Variants in RIMS1 observed in about 807,000 individuals in gnomAD.
RIMS1 encodes the protein regulating synaptic membrane exocytosis 1, also known as regulating synaptic membrane exocytosis protein 1.
In RIMS1, 83 loss-of-function variants were observed where a neutral mutation model predicts 214.1. That is an observed-to-expected ratio of 0.39 (90% CI 0.32 to 0.47). The LOEUF (loss-of-function observed/expected upper bound fraction) is 0.47, where lower values mean the gene tolerates loss of function less well. Among genes scored for constraint, RIMS1 ranks in the 20% least tolerant of loss-of-function variants. The pLI is 0.99. For missense variants in RIMS1, 2,050 were observed against 2,161.8 expected (o/e 0.95, Z 1.03); for synonymous variants, 793 against 786.8 (o/e 1.01, Z -0.13).
chr6:72,187,634 T>A (rs2049350239), intron 6 of RIMS1, among the ~76,000 whole-genome samples: 2 of 151,868 alleles, frequency 1.3e-5, no homozygotes. Context: ...GCTGGGACTG[T>A]AGGTGCGTAC....
At chr6:72,244,007 C>T (rs530199808) in intron 10 of RIMS1, among the ~76,000 whole-genome samples, 23 of 150,598 alleles carry the variant, frequency 1.5e-4, no homozygotes, top group Non-Finnish European at 3.3e-4. Context: ...TTCTGTTACC[C>T]AGGCTGGAAA....
chr6:72,331,604 T>C (rs2096660463), intron 28 of RIMS1, among the ~76,000 whole-genome samples: 1 of 151,820 alleles, frequency 6.6e-6, no homozygotes, highest in Non-Finnish European at 1.5e-5. Context: ...TTCAAATATG[T>C]TGGTGAAGAC....
intron 2 of RIMS1, among the ~76,000 whole-genome samples, chr6:72,055,427 C>G (rs529406897): frequency 5.3e-5 from 8 of 152,100 alleles, no homozygotes; most frequent in Admixed American, 4.6e-4. Flanking sequence ...ACGAGTAACC[C>G]AAAGACATTT....
chr6:72,304,992 T>G (rs567977415), intron 26 of RIMS1, among the ~76,000 whole-genome samples: 2 of 152,088 alleles, frequency 1.3e-5, no homozygotes, highest in South Asian at 4.1e-4. Flanking sequence ...AAGGTCAGTT[T>G]TAACTTCATT....
At position 72,286,197 on chromosome 6, in the gene RIMS1, C is replaced by CAAAAA. The variant is rs149079911; in HGVS notation, c.3554+2090_3554+2094dup. On this transcript the variant is annotated intron_variant, in intron 24 of 33. Transcript: ENST00000521978. ...GGGCAAGAAGAGCAAAACTCCATCTCAAAAAAAAAAAAAAATTGCTAGTTG... is the reference window on the plus strand; with the variant it reads ...GGGCAAGAAGAGCAAAACTCCATCTCAAAAAAAAAAAAAAAAAAAATTGCTAGTTG... 1.5e-4 allele frequency among the ~76,000 whole-genome samples: 17 copies of CAAAAA among 110,612 alleles called. No individual in the cohort carries two copies. The East Asian group carries it at 4.3e-3, about 28-fold the overall frequency. The allele number at this position is 110,612 out of a possible 152,430, so 72.6% of individuals were successfully genotyped here.
chr6:72,345,207 G>C (rs924816813), intron 29 of RIMS1, among the ~76,000 whole-genome samples: 2 of 151,480 alleles, frequency 1.3e-5, no homozygotes, highest in Non-Finnish European at 1.5e-5. Flanking sequence ...GATTTTTGTT[G>C]ATTGATTTTC....
chr6:71,987,827 G>A (rs1800471878), intron 2 of RIMS1, among the ~76,000 whole-genome samples: 1 of 152,190 alleles, frequency 6.6e-6, no homozygotes, highest in Non-Finnish European at 1.5e-5. Flanking sequence ...TGGGAATAGA[G>A]AGTTGCCTGT....
At chr6:72,186,195 C>A (rs1464558137) in intron 6 of RIMS1, among the ~76,000 whole-genome samples, 1 of 152,178 alleles carries the variant, frequency 6.6e-6, no homozygotes, top group Non-Finnish European at 1.5e-5. Context: ...CAACCCCTAA[C>A]CCCTGTGTTA....
At chr6:72,233,984 A>G in intron 7 of RIMS1, 144 bp downstream of exon 7, 1 of 531,086 alleles carries the variant, frequency 1.9e-6, no homozygotes, top group Non-Finnish European at 3.4e-6. Flanking sequence ...ATTTTGAAGA[A>G]AAAAAGTTAT....
In RIMS1 at chr6:72,010,687, GACAA is replaced by G. The variant is rs535590048; in HGVS notation, c.245+41628_245+41631del. On this transcript the variant is annotated intron_variant, in intron 2 of 33. Transcript: ENST00000521978. ...CAAGCATTCTTATACACCAATAACA[GACAA>G]ACAGAGAGCCAAATCATGAGTGAAC... 8.6e-3 allele frequency among the ~76,000 whole-genome samples: 1,309 copies of G among 152,220 alleles called. 21 individuals carry two copies. The highest frequency in any genetic ancestry group is 0.03 in the African/African-American group (1,265 of 41,544).
chr6:72,395,553 A>G (rs1043400638), intron 31 of RIMS1, among the ~76,000 whole-genome samples: 11 of 152,040 alleles, frequency 7.2e-5, no homozygotes, highest in African/African-American at 2.7e-4. Flanking sequence ...AGAATTGGTT[A>G]ATGGTTAATT....
At chr6:72,277,987 G>T (rs887120584) in intron 23 of RIMS1, among the ~76,000 whole-genome samples, 5 of 152,078 alleles carry the variant, frequency 3.3e-5, no homozygotes, top group African/African-American at 9.7e-5. Flanking sequence ...TGAAAGGCTA[G>T]TGTAAGTTAT....
intron 25 of RIMS1, 134 bp from the exon 26 acceptor site, chr6:72,291,800 G>C: frequency 1.4e-6 from 1 of 708,404 alleles, no homozygotes; most frequent in Non-Finnish European, 2.6e-6. Context: ...ATCATAAAAA[G>C]TGTTTGATTC....
At chr6:71,938,935 T>A (rs548806051) in intron 1 of RIMS1, among the ~76,000 whole-genome samples, 56 of 152,328 alleles carry the variant, frequency 3.7e-4, no homozygotes, top group African/African-American at 1.3e-3. Flanking sequence ...TCATTCTACT[T>A]CCTTTTAAGT....
chr6:72,233,888 C>T (rs376824307), intron 7 of RIMS1, 48 bp downstream of exon 7: 29 of 1,210,916 alleles, frequency 2.4e-5, no homozygotes, highest in Middle Eastern at 1.9e-4. Flanking sequence ...TATGTGTGCT[C>T]GTTAATTGTC....
chr6:72,214,274 C>A (rs2154014273), intron 6 of RIMS1, among the ~76,000 whole-genome samples: 1 of 152,098 alleles, frequency 6.6e-6, no homozygotes, highest in South Asian at 2.1e-4. Context: ...ACTTAATAAA[C>A]CAAACAGGGT....
intron 2 of RIMS1, among the ~76,000 whole-genome samples, chr6:72,035,130 G>C (rs1819253011): frequency 6.6e-6 from 1 of 152,084 alleles, no homozygotes; most frequent in Non-Finnish European, 1.5e-5. Flanking sequence ...TGTAAAAAGG[G>C]ATTATGGTAA....
intron 1 of RIMS1, among the ~76,000 whole-genome samples, chr6:71,951,466 ACTTTT>A (rs1789486577): frequency 2.1e-5 from 2 of 94,990 alleles, no homozygotes; most frequent in East Asian, 3.7e-4. Context: ...CATTTTTTCC[ACTTTT>A]CTTTTTCTTT....
At chr6:72,128,105 G>T (rs933512867) in intron 4 of RIMS1, among the ~76,000 whole-genome samples, 5 of 152,162 alleles carry the variant, frequency 3.3e-5, no homozygotes, top group Non-Finnish European at 7.4e-5. Context: ...GGTGCCTGCT[G>T]AAGTTAGACT....
Sources: gnomAD v4.1 joint callset for allele counts (sites outside exome capture counted in the v4.1 genomes callset) on GRCh38, gnomAD v4.1.1 for gene constraint, MANE v1.5 for transcripts, NCBI Gene and HGNC (gene_info 2026-07-23, HGNC 2026-07-21) for gene names.